The following CARMIL1 variants were observed in gnomAD, a reference collection of about 807,000 sequenced individuals.
The protein encoded by CARMIL1 is capping protein regulator and myosin 1 linker 1, also known as F-actin-uncapping protein LRRC16A.
In CARMIL1, 90 loss-of-function variants were observed where a neutral mutation model predicts 177.1. The ratio of observed to expected loss-of-function variants is 0.51; its 90% CI spans 0.43 to 0.61. The LOEUF (loss-of-function observed/expected upper bound fraction) is 0.61, where lower values mean the gene tolerates loss of function less well. Among genes scored for constraint, CARMIL1 ranks in the 20% least tolerant of loss-of-function variants. The pLI, the probability that CARMIL1 is intolerant of heterozygous loss-of-function variation, is 0.00. For synonymous variants in CARMIL1, 577 were observed against 606.2 expected, an observed-to-expected ratio of 0.95 and a Z score of 0.71; for missense variants, 1,380 against 1,667.0, an observed-to-expected ratio of 0.83 and a Z score of 3.00.
In CARMIL1 at chr6:25,512,163, T is replaced by C. The variant is rs190403732; in HGVS notation, c.1632+1401T>C. 5.3e-5 allele frequency among the ~76,000 whole-genome samples: 8 copies of C among 152,318 alleles called. No homozygotes were observed. In the East Asian group the frequency reaches 1.5e-3, roughly 29 times the overall value. ...GATGTTTTTTTCTTAACACATACTT[T>C]AGGAAAATTTGTATTTTTATGAAAA... On this transcript the variant is annotated intron_variant, in intron 20 of 36. Coordinates refer to ENST00000329474, the MANE Select transcript of CARMIL1 (RefSeq NM_017640.6).
chr6:25,440,545 A>T (rs9461173), intron 5 of CARMIL1, among the ~76,000 whole-genome samples: 4,928 of 152,160 alleles, frequency 0.032, 189 homozygotes, highest in African/African-American at 0.096. Context: ...AGATTGCATT[A>T]TATGATTTTG....
intron 2 of CARMIL1, among the ~76,000 whole-genome samples, chr6:25,356,607 A>T (rs974057760): frequency 6.6e-6 from 1 of 152,098 alleles, no homozygotes; most frequent in Admixed American, 6.5e-5. Context: ...GTACAAGGTT[A>T]TTTTTCCTGG....
At chr6:25,441,494 GT>G (rs1797785992) in intron 5 of CARMIL1, among the ~76,000 whole-genome samples, 1 of 151,522 alleles carries the variant, frequency 6.6e-6, no homozygotes, top group Admixed American at 6.6e-5. Context: ...CCCATCTCCT[GT>G]CTCCAAATAT....
chr6:25,599,224 C>G (rs539627959), intron 32 of CARMIL1, among the ~76,000 whole-genome samples: 4 of 152,138 alleles, frequency 2.6e-5, no homozygotes, highest in African/African-American at 9.7e-5. Context: ...CAGAGGTGCC[C>G]GCGTCTCCTC....
intron 23 of CARMIL1, among the ~76,000 whole-genome samples, chr6:25,526,835 A>T (rs1020363470): frequency 9.9e-5 from 15 of 152,144 alleles, no homozygotes; most frequent in African/African-American, 3.6e-4. Context: ...TTGAAGCATG[A>T]GCCACCACAC....
chr6:25,586,432 A>G (rs558474785), intron 31 of CARMIL1, among the ~76,000 whole-genome samples: 1,703 of 121,450 alleles, frequency 0.014, 43 homozygotes, highest in African/African-American at 0.053. Context: ...CTTCCCAGAC[A>G]GGATGGCGGC....
intron 5 of CARMIL1, among the ~76,000 whole-genome samples, chr6:25,448,306 G>A (rs1420211718): frequency 6.6e-6 from 1 of 152,072 alleles, no homozygotes; most frequent in Non-Finnish European, 1.5e-5. Flanking sequence ...GCGCACCATG[G>A]CCTGGGATTT....
intron 5 of CARMIL1, among the ~76,000 whole-genome samples, chr6:25,437,604 A>C (rs1190519109): frequency 6.6e-6 from 1 of 152,176 alleles, no homozygotes; most frequent in African/African-American, 2.4e-5. Context: ...CCAATAGGGC[A>C]TCTCTACAAG....
rs973040604 is a variant in CARMIL1, at chr6:25,420,205, C to T, written c.189+41C>T. ...GTCCTTCCTTCTGCACTCACACTCA[C>T]TCATACCCACTCATGCATAGTCACT... is the stretch of plus-strand genomic sequence containing the variant. On this transcript the variant is annotated intron_variant, in intron 3 of 36. Coordinates refer to ENST00000329474, the MANE Select transcript of CARMIL1 (RefSeq NM_017640.6). The T allele has an allele frequency of 4.5e-6, 7 of 1,564,450 alleles. No individual in the cohort carries two copies. In the African/African-American group the frequency reaches 9.5e-5, roughly 21 times the overall value.
intron 8 of CARMIL1, among the ~76,000 whole-genome samples, chr6:25,463,768 G>T (rs894920303): frequency 8.5e-5 from 13 of 152,160 alleles, no homozygotes; most frequent in Middle Eastern, 3.4e-3. Context: ...GTCAATGGAG[G>T]GGGACGAAGA....
At chr6:25,369,325 AC>A (rs1375303778) in intron 2 of CARMIL1, among the ~76,000 whole-genome samples, 1 of 150,940 alleles carries the variant, frequency 6.6e-6, no homozygotes, top group Non-Finnish European at 1.5e-5. Flanking sequence ...TTAATTCTCA[AC>A]CCATTGATCG....
chr6:25,534,970 T>C (rs1011446086), intron 24 of CARMIL1, among the ~76,000 whole-genome samples: 1 of 152,236 alleles, frequency 6.6e-6, no homozygotes, highest in African/African-American at 2.4e-5. Context: ...CATTTATTGC[T>C]AATAGTTGTA....
intron 2 of CARMIL1, among the ~76,000 whole-genome samples, chr6:25,310,909 C>A (rs1783763080): frequency 1.3e-5 from 2 of 152,220 alleles, no homozygotes; most frequent in South Asian, 2.1e-4. Flanking sequence ...AAAATGACTT[C>A]TATAAAACAT....
intron 12 of CARMIL1, among the ~76,000 whole-genome samples, chr6:25,483,324 C>T (rs1055348963): frequency 2.0e-5 from 3 of 152,092 alleles, no homozygotes; most frequent in East Asian, 1.9e-4. Flanking sequence ...GTCAGATTGC[C>T]GAAGGTTGAA....
chr6:25,395,745 G>A (rs1793321546), intron 2 of CARMIL1, among the ~76,000 whole-genome samples: 1 of 152,300 alleles, frequency 6.6e-6, no homozygotes, highest in Non-Finnish European at 1.5e-5. Flanking sequence ...AAAAGTTGCT[G>A]TTATAAATGA....
intron 2 of CARMIL1, among the ~76,000 whole-genome samples, chr6:25,296,779 G>C (rs1581476629): frequency 6.6e-6 from 1 of 152,196 alleles, no homozygotes; most frequent in Non-Finnish European, 1.5e-5. Context: ...CTTATCATCT[G>C]TCATAGGCAT....
intron 23 of CARMIL1, among the ~76,000 whole-genome samples, chr6:25,528,413 G>A (rs1398547223): frequency 6.6e-6 from 1 of 152,172 alleles, no homozygotes; most frequent in Non-Finnish European, 1.5e-5. Context: ...ATTCCTTGGG[G>A]ATATTTATTT....
intron 1 of CARMIL1, among the ~76,000 whole-genome samples, chr6:25,280,837 C>T (rs574424509): frequency 6.6e-6 from 1 of 152,262 alleles, no homozygotes; most frequent in Non-Finnish European, 1.5e-5. Context: ...ACACAGCCTA[C>T]AGCTCACAAA....
At chr6:25,345,146 G>A (rs1177827071) in intron 2 of CARMIL1, among the ~76,000 whole-genome samples, 1 of 152,028 alleles carries the variant, frequency 6.6e-6, no homozygotes, top group Non-Finnish European at 1.5e-5. Flanking sequence ...TTTCCTTGCC[G>A]AAGCCCATGG....
Sources: gnomAD v4.1 joint callset for allele counts (sites outside exome capture counted in the v4.1 genomes callset) on GRCh38, gnomAD v4.1.1 for gene constraint, MANE v1.5 for transcripts, NCBI Gene and HGNC (gene_info 2026-07-23, HGNC 2026-07-21) for gene names.